Variants in PLEKHH2 observed in about 807,000 individuals in gnomAD.
The protein encoded by PLEKHH2 is pleckstrin homology domain-containing family H member 2.
A neutral mutation model predicts 187.9 loss-of-function variants in PLEKHH2; 129 were observed. The ratio of observed to expected loss-of-function variants is 0.69; its 90% CI spans 0.59 to 0.79. The LOEUF is 0.79. Ranked by LOEUF, PLEKHH2 falls within the 30% of genes least tolerant of loss-of-function variation. PLEKHH2 has a pLI of 0.00. For missense variants in PLEKHH2, 2,076 were observed against 1,751.2 expected (o/e 1.19, Z -3.31); for synonymous variants, 686 against 605.6 (o/e 1.13, Z -1.95).
chr2:43,666,247 C>T (rs1160075792), intron 2 of PLEKHH2, among the ~76,000 whole-genome samples: 1 of 150,952 alleles, frequency 6.6e-6, no homozygotes, highest in Non-Finnish European at 1.5e-5. Context: ...CCAGGTGCAT[C>T]CGTCACCCCT....
rs564903442 is a variant in PLEKHH2, at chr2:43,707,265, G to A, written c.1822-136G>A. The A allele has an allele frequency of 7.8e-6, 6 of 768,358 alleles. No individual in the cohort carries two copies. The East Asian group carries it at 1.6e-4, about 20-fold the overall frequency. The allele number at this position is 768,358 out of a possible 1,614,324, so 47.6% of individuals were successfully genotyped here. A position where few individuals can be genotyped will look rare whatever the true frequency, so the allele number is the denominator to read the frequency against. ...TAAAACTTTCTGTTATCTAAAAAGA[G>A]TGATAACCTTAGGGATGGATACAGG... On this transcript the variant is annotated intron_variant, in intron 10 of 29. Coordinates refer to ENST00000282406, the MANE Select transcript of PLEKHH2 (RefSeq NM_172069.4).
chr2:43,744,114 T>C, intron 23 of PLEKHH2, 125 bp downstream of exon 23: 2 of 1,419,480 alleles, frequency 1.4e-6, no homozygotes, highest in South Asian at 1.7e-5. Context: ...CAATCTAATC[T>C]CCACGATAAG....
At chr2:43,715,773 G>A (rs114349395) in intron 15 of PLEKHH2, among the ~76,000 whole-genome samples, 1 of 152,172 alleles carries the variant, frequency 6.6e-6, no homozygotes, top group Non-Finnish European at 1.5e-5. Context: ...TCAGGAGCTG[G>A]TAGGATGTCT....
intron 4 of PLEKHH2, among the ~76,000 whole-genome samples, chr2:43,693,177 A>G (rs1451216114): frequency 2.0e-4 from 31 of 152,146 alleles, no homozygotes; most frequent in Non-Finnish European, 1.5e-5. Flanking sequence ...CACACACCTC[A>G]GCCTCCCAAC....
At chr2:43,714,086 T>G (rs1670098543) in intron 15 of PLEKHH2, among the ~76,000 whole-genome samples, 1 of 152,224 alleles carries the variant, frequency 6.6e-6, no homozygotes, top group Non-Finnish European at 1.5e-5. Flanking sequence ...TTAAATCACA[T>G]TCTTACTATA....
chr2:43,715,118 A>AGTCTC (rs1670151440), intron 15 of PLEKHH2, among the ~76,000 whole-genome samples: 1 of 151,974 alleles, frequency 6.6e-6, no homozygotes, highest in Admixed American at 6.6e-5. Context: ...TCTACTAAAA[A>AGTCTC]TACAAAAATT....
chr2:43,731,926 C>T (rs1316834688), intron 19 of PLEKHH2, among the ~76,000 whole-genome samples: 1 of 152,180 alleles, frequency 6.6e-6, no homozygotes, highest in East Asian at 1.9e-4. Flanking sequence ...GAGGGGTCAG[C>T]ACTCTCTCTC....
At position 43,700,248 on chromosome 2, in the gene PLEKHH2, A is replaced by ACAC; in HGVS notation, c.1290_1291insCAC (p.Leu430_Val431insHis). On this transcript the variant is annotated inframe_insertion, in exon 8 of 30. Coordinates refer to ENST00000282406, the MANE Select transcript of PLEKHH2 (RefSeq NM_172069.4). ...CACTCTCTGGAAAAGGAACACAATT[A>ACAC]GTGCCTTCATCACACCTGCCACCCC... 6.2e-7 allele frequency: 1 copy of ACAC among 1,614,216 alleles called. No homozygotes were observed. Among genetic ancestry groups the ACAC allele is most frequent in the Non-Finnish European group, 8.5e-7 (1 of 1,180,034 alleles).
chr2:43,672,199 C>T (rs1025582708), intron 2 of PLEKHH2, among the ~76,000 whole-genome samples: 3 of 152,116 alleles, frequency 2.0e-5, no homozygotes, highest in African/African-American at 7.2e-5. Flanking sequence ...ATCTCATTAG[C>T]ATCTGTGGGG....
At chr2:43,751,392 G>A (rs965896235) in intron 24 of PLEKHH2, among the ~76,000 whole-genome samples, 1 of 152,134 alleles carries the variant, frequency 6.6e-6, no homozygotes, top group Non-Finnish European at 1.5e-5. Context: ...GAGATTGCAG[G>A]CTTTCCCCCC....
chr2:43,688,973 A>T (rs1668660513), intron 3 of PLEKHH2, among the ~76,000 whole-genome samples: 1 of 150,870 alleles, frequency 6.6e-6, no homozygotes, highest in Non-Finnish European at 1.5e-5. Flanking sequence ...CCAGAGGTCA[A>T]ACTGATAAAT....
At chr2:43,667,546 T>A (rs1667275616) in intron 2 of PLEKHH2, among the ~76,000 whole-genome samples, 1 of 152,186 alleles carries the variant, frequency 6.6e-6, no homozygotes, top group Non-Finnish European at 1.5e-5. Context: ...GCTCATCAAC[T>A]AACTGATGAA....
intron 1 of PLEKHH2, among the ~76,000 whole-genome samples, chr2:43,642,061 T>C (rs988565057): frequency 3.3e-5 from 5 of 152,250 alleles, no homozygotes; most frequent in African/African-American, 1.2e-4. Flanking sequence ...TATAGCCATT[T>C]GCAAGTATTG....
intron 10 of PLEKHH2, among the ~76,000 whole-genome samples, chr2:43,707,177 CA>C (rs1669700489): frequency 9.4e-6 from 1 of 106,414 alleles, no homozygotes; most frequent in African/African-American, 4.1e-5. Context: ...GCCTGGGTGA[CA>C]AGAGCAAGAC....
At chr2:43,687,345 G>A (rs555488008) in intron 3 of PLEKHH2, among the ~76,000 whole-genome samples, 158 of 152,318 alleles carry the variant, frequency 1.0e-3, no homozygotes, top group Non-Finnish European at 1.6e-3. Context: ...TTATGGCAGT[G>A]TAGTGTTCCC....
chr2:43,678,867 A>G lies in PLEKHH2; in HGVS notation c.128A>G (p.Gln43Arg), dbSNP rs1054828133. 1 of 1,601,680 alleles carries G rather than the reference A, an allele frequency of 6.2e-7. No homozygotes were observed. The change falls in exon 3 of 30, where the codon CAA becomes CGA. Residue 43 changes from glutamine to arginine, a missense_variant. Physicochemically the swap from Gln to Arg is conservative, Grantham distance 43 (BLOSUM62 1). Coordinates refer to ENST00000282406, the MANE Select transcript of PLEKHH2 (RefSeq NM_172069.4). Reference protein sequence around the residue: ...KIRELLAEKMQQLERQVIDAE... With the variant: ...KIRELLAEKMRQLERQVIDAE... ...ATATTTTCCCTCACTCTACAGATGC[A>G]ACAGCTTGAGAGACAAGTTATTGAT...
At chr2:43,726,859 G>A (rs983390516) in intron 17 of PLEKHH2, among the ~76,000 whole-genome samples, 16 of 152,052 alleles carry the variant, frequency 1.1e-4, no homozygotes, top group Non-Finnish European at 1.3e-4. Flanking sequence ...TATGATAAAG[G>A]AGGTATCACA....
chr2:43,753,879 C>A, intron 25 of PLEKHH2, 119 bp downstream of exon 25: 1 of 897,222 alleles, frequency 1.1e-6, no homozygotes, highest in Non-Finnish European at 1.6e-6. Context: ...CTACAATTAG[C>A]ACCTTAAAAA....
intron 2 of PLEKHH2, chr2:43,658,861 C>G (rs2104373133): frequency 6.6e-6 from 1 of 152,292 alleles, no homozygotes; most frequent in Non-Finnish European, 1.5e-5. Flanking sequence ...GGTGTGATTA[C>G]CAGAAGGTGA....
Sources: gnomAD v4.1 joint callset for allele counts (sites outside exome capture counted in the v4.1 genomes callset) on GRCh38, gnomAD v4.1.1 for gene constraint, MANE v1.5 for transcripts, NCBI Gene and HGNC (gene_info 2026-07-23, HGNC 2026-07-21) for gene names.